Variants in NSD3 observed in about 807,000 individuals in gnomAD.
NSD3 encodes the protein histone-lysine N-methyltransferase NSD3.
NSD3 carries 24 observed loss-of-function variants against 160.8 expected under a neutral mutation model. The observed-to-expected ratio is 0.15, with a 90% CI of 0.11 to 0.21. NSD3 has a LOEUF of 0.21. Among genes scored for constraint, NSD3 ranks in the 10% least tolerant of loss-of-function variants. The probability of loss-of-function intolerance (pLI) is 1.00; values close to 1 mark genes in which losing one functional copy is unlikely to be tolerated. For missense variants in NSD3, 1,157 were observed against 1,735.9 expected (o/e 0.67, Z 5.93); for synonymous variants, 520 against 600.0 (o/e 0.87, Z 1.95).
intron 1 of NSD3, among the ~76,000 whole-genome samples, chr8:38,362,940 T>C (rs1811017921): frequency 6.6e-6 from 1 of 152,184 alleles, no homozygotes; most frequent in African/African-American, 2.4e-5. Context: ...CAACATAAAA[T>C]CAATTTATTT....
At chr8:38,351,645 A>G (rs1230461645) in intron 1 of NSD3, among the ~76,000 whole-genome samples, 4 of 151,286 alleles carry the variant, frequency 2.6e-5, no homozygotes, top group Non-Finnish European at 4.4e-5. Flanking sequence ...CCTGGGCAAC[A>G]GAGTGAGACT....
chr8:38,301,777 T>A (rs1296249958), intron 14 of NSD3, among the ~76,000 whole-genome samples: 1 of 152,234 alleles, frequency 6.6e-6, no homozygotes, highest in Non-Finnish European at 1.5e-5. Context: ...TATGGAGAGA[T>A]AACTTCTTAG....
chr8:38,295,536 T>C (rs536210646), intron 16 of NSD3, among the ~76,000 whole-genome samples: 1 of 152,090 alleles, frequency 6.6e-6, no homozygotes, highest in Non-Finnish European at 1.5e-5. Flanking sequence ...CCAGCCTTGG[T>C]GATAGAGCCA....
chr8:38,329,534 T>C lies in NSD3; in HGVS notation c.1425A>G (p.Ala475=). Residue 475 remains alanine, a synonymous_variant, in exon 6 of 24, where the codon GCA becomes GCG. Transcript: ENST00000317025. The surrounding 1 kb of genome is among the most constrained non-coding windows in gnomAD (Gnocchi z 4.8). Reference sequence around the variant, plus strand: ...TAATGGAAGCTGGTAAGGATTTCCTTGCTGCCGCAGTTTTCCAGGCTATTT... The same window carrying C: ...TAATGGAAGCTGGTAAGGATTTCCTCGCTGCCGCAGTTTTCCAGGCTATTT... ...PVKIAWKTAA[A]RKSLPASITM... The C allele has an allele frequency of 6.2e-7, 1 of 1,614,258 alleles. No individual in the cohort carries two copies. The highest frequency in any genetic ancestry group is 8.5e-7 in the Non-Finnish European group (1 of 1,180,048).
At chr8:38,292,347 T>C (rs973021518) in intron 16 of NSD3, among the ~76,000 whole-genome samples, 5 of 152,220 alleles carry the variant, frequency 3.3e-5, no homozygotes, top group African/African-American at 1.2e-4. Flanking sequence ...TTCCCAGGTA[T>C]TAAAAACATA....
intron 14 of NSD3, 105 bp from the exon 15 acceptor site, chr8:38,299,695 G>C (rs535967847): frequency 1.7e-6 from 2 of 1,158,820 alleles, no homozygotes; most frequent in East Asian, 6.0e-5. Flanking sequence ...AGCTGGGGTG[G>C]GGAGGGCGAA....
At chr8:38,358,462 A>G (rs1810878060) in intron 1 of NSD3, among the ~76,000 whole-genome samples, 2 of 152,192 alleles carry the variant, frequency 1.3e-5, no homozygotes, top group South Asian at 4.1e-4. Context: ...GGAATGGAGT[A>G]CATGCAGACA....
intron 2 of NSD3, among the ~76,000 whole-genome samples, chr8:38,343,246 A>G (rs1810423053): frequency 1.3e-5 from 2 of 152,166 alleles, no homozygotes; most frequent in East Asian, 3.9e-4. Flanking sequence ...CAAAGCCTTA[A>G]TAATATTACT....
chr8:38,287,960 A>G (rs1189986880), intron 19 of NSD3, among the ~76,000 whole-genome samples: 1 of 152,162 alleles, frequency 6.6e-6, no homozygotes, highest in Non-Finnish European at 1.5e-5. Context: ...TAGGTTGGAC[A>G]CAGTGGCTCA....
chr8:38,332,010 C>G (rs1585893745), intron 4 of NSD3, among the ~76,000 whole-genome samples: 2 of 152,370 alleles, frequency 1.3e-5, no homozygotes, highest in African/African-American at 2.4e-5. Context: ...TCACTGCAGC[C>G]TCAAACTCCT....
Position 38,316,673 on chromosome 8 carries a change from C to T in NSD3, c.1856-631G>A. ...CATATGTCATGCCATTTAGAAGGCA[C>T]ATTGCTGAGGGCTGTAAATGGACAA... On this transcript the variant is annotated intron_variant, in intron 9 of 23. Transcript: ENST00000317025. This position sits in a 1 kb window ranked among gnomAD's most constrained non-coding sequence, Gnocchi z 4.5. 4.7e-6 allele frequency: 5 copies of T among 1,054,592 alleles called. No homozygotes were observed. The highest frequency in any genetic ancestry group is 5.7e-6 in the Non-Finnish European group (5 of 872,590). 65.3% of individuals were successfully genotyped at this position (1,054,592 alleles called of 1,614,324 possible).
At chr8:38,352,359 T>C (rs1218768007) in intron 1 of NSD3, among the ~76,000 whole-genome samples, 2 of 151,900 alleles carry the variant, frequency 1.3e-5, no homozygotes, top group African/African-American at 2.4e-5. Flanking sequence ...TTGCTTTACA[T>C]TGGTGGGGGG....
In NSD3 at chr8:38,329,626, T is replaced by G. The variant is rs1293280726; in HGVS notation, c.1333A>C (p.Thr445Pro). 6.2e-7 allele frequency: 1 copy of G among 1,614,262 alleles called. No individual in the cohort carries two copies. ...CTCTGGCTATGTCTCCGAATTTCAGTACTTGAGAGTGAGGAGGCCACCTCC... is the reference window on the plus strand; with the variant it reads ...CTCTGGCTATGTCTCCGAATTTCAGGACTTGAGAGTGAGGAGGCCACCTCC... ...AGEVASSLSS[T>P]EIRRHSQRRH... The change falls in exon 6 of 24, where the codon ACT becomes CCT. Residue 445 changes from threonine (T) to proline (P), a missense_variant. Coordinates refer to ENST00000317025, the MANE Select transcript of NSD3 (RefSeq NM_023034.2). This position sits in a 1 kb window ranked among gnomAD's most constrained non-coding sequence, Gnocchi z 4.8.
In NSD3 at chr8:38,317,184, T is replaced by C; in HGVS notation, c.1856-1142A>G. On this transcript the variant is annotated intron_variant, in intron 9 of 23. Coordinates refer to ENST00000317025, the MANE Select transcript of NSD3 (RefSeq NM_023034.2). The surrounding 1 kb of genome is among the most constrained non-coding windows in gnomAD (Gnocchi z 5.3). ...TAGCCACGTTCTGTGGTGGAGGAGG[T>C]GGGCCTCGTTAGACTGCTCAGATTA... 1 of 1,063,064 alleles carries C rather than the reference T, an allele frequency of 9.4e-7. No individual in the cohort carries two copies. The highest frequency in any genetic ancestry group is 1.1e-6 in the Non-Finnish European group (1 of 877,742). 65.9% of individuals were successfully genotyped at this position (1,063,064 alleles called of 1,614,324 possible).
chr8:38,285,236 A>G (rs1808833001), intron 19 of NSD3, among the ~76,000 whole-genome samples: 2 of 152,256 alleles, frequency 1.3e-5, no homozygotes, highest in South Asian at 4.1e-4. Flanking sequence ...AGACCACAGC[A>G]AAGAGGCTGT....
chr8:38,309,529 A>G (rs978380007), intron 12 of NSD3, among the ~76,000 whole-genome samples: 12 of 152,016 alleles, frequency 7.9e-5, no homozygotes, highest in African/African-American at 2.7e-4. Flanking sequence ...GCGTGCCTGT[A>G]GTCCCTACAG....
rs1810582071 is a variant in NSD3 at position 38,348,193 on chromosome 8, A to G, written c.-22T>C. ...CCATTGTTCTGCTCCAGCATCCTTA[A>G]CTTTCCCTTTCTCTCATCGGGCCTA... On this transcript the variant is annotated 5_prime_UTR_variant, in exon 2 of 24. Transcript: ENST00000317025. The G allele has an allele frequency of 6.5e-7, 1 of 1,536,290 alleles. No homozygotes were observed. The highest frequency in any genetic ancestry group is 1.4e-5 in the African/African-American group (1 of 72,426).
At chr8:38,311,076 C>CTTTTTTTT (rs34628829) in intron 12 of NSD3, among the ~76,000 whole-genome samples, 5 of 132,790 alleles carry the variant, frequency 3.8e-5, no homozygotes, top group African/African-American at 5.6e-5. Context: ...TCCCTGATTA[C>CTTTTTTTT]TTTTTTTTTT....
chr8:38,276,160 G>T (rs890887001), intron 23 of NSD3, 136 bp downstream of exon 23: 3 of 1,039,866 alleles, frequency 2.9e-6, no homozygotes, highest in African/African-American at 3.2e-5. Flanking sequence ...TAAGGGGAAA[G>T]ATTTTTGCCA....
Sources: allele counts gnomAD v4.1 joint callset (sites outside exome capture counted in the v4.1 genomes callset), GRCh38; gene constraint gnomAD v4.1.1; non-coding constraint Gnocchi (gnomAD v3.1); transcripts MANE v1.5; gene names NCBI Gene and HGNC (gene_info 2026-07-23, HGNC 2026-07-21).